Variants in STXBP5 observed in about 807,000 individuals in gnomAD.
STXBP5 encodes the protein syntaxin-binding protein 5.
STXBP5 carries 50 observed loss-of-function variants against 152.4 expected under a neutral mutation model. The ratio of observed to expected loss-of-function variants is 0.33; its 90% CI spans 0.26 to 0.42. The LOEUF is 0.42. Ranked by LOEUF, STXBP5 falls within the 10% of genes least tolerant of loss-of-function variation. The pLI, the probability that STXBP5 is intolerant of heterozygous loss-of-function variation, is 1.00. For missense variants in STXBP5, 1,167 were observed against 1,388.6 expected (o/e 0.84, Z 2.54); for synonymous variants, 492 against 494.7 (o/e 0.99, Z 0.07).
chr6:147,332,678 C>A (rs545188177), intron 18 of STXBP5, among the ~76,000 whole-genome samples: 1 of 152,292 alleles, frequency 6.6e-6, no homozygotes, highest in African/African-American at 2.4e-5. Flanking sequence ...GGATCATCTA[C>A]ATCACCCAAC....
At chr6:147,258,535 G>A (rs1353934413) in intron 4 of STXBP5, among the ~76,000 whole-genome samples, 2 of 152,170 alleles carry the variant, frequency 1.3e-5, no homozygotes, top group African/African-American at 2.4e-5. Context: ...CCAGGTTCAC[G>A]CCATTCTCGT....
chr6:147,315,435 C>T, intron 14 of STXBP5, 80 bp from the exon 15 acceptor site: 2 of 906,064 alleles, frequency 2.2e-6, no homozygotes, highest in South Asian at 3.8e-5. Context: ...ATTTTCTATA[C>T]ATAGTATGAG....
intron 9 of STXBP5, among the ~76,000 whole-genome samples, chr6:147,306,733 C>G (rs1782114311): frequency 6.6e-6 from 1 of 152,150 alleles, no homozygotes; most frequent in Admixed American, 6.5e-5. Flanking sequence ...TAGAGTGGAC[C>G]TCCTTCTTCC....
At chr6:147,207,374 A>G (rs1281844693) in intron 2 of STXBP5, among the ~76,000 whole-genome samples, 1 of 152,194 alleles carries the variant, frequency 6.6e-6, no homozygotes, top group African/African-American at 2.4e-5. Flanking sequence ...ACGCAGTCAT[A>G]CCTTTATAAA....
rs1235765459 is a variant in STXBP5 at position 147,387,235 on chromosome 6, A to G, written c.*2480A>G. 2 of 151,678 alleles carry G rather than the reference A, an allele frequency of 1.3e-5. No homozygotes were observed. Among genetic ancestry groups the G allele is most frequent in the Non-Finnish European group, 3.0e-5 (2 of 67,712 alleles). 9.4% of individuals were successfully genotyped at this position (151,678 alleles called of 1,614,324 possible). A position where few individuals can be genotyped will look rare whatever the true frequency, so the allele number is the denominator to read the frequency against. ...AACCCAGGGAATTTACTGTAATTTG[A>G]GAGGTAACATCTCTATTTTTTTCTT... On this transcript the variant is annotated 3_prime_UTR_variant, in exon 28 of 28. Transcript: ENST00000321680.
chr6:147,251,006 G>A (rs1279913587), intron 4 of STXBP5, among the ~76,000 whole-genome samples: 1 of 139,226 alleles, frequency 7.2e-6, no homozygotes, highest in Non-Finnish European at 1.5e-5. Context: ...AGGCCGAATA[G>A]AATAGAAACA....
At chr6:147,215,676 C>T (rs1271538631) in intron 2 of STXBP5, among the ~76,000 whole-genome samples, 8 of 152,078 alleles carry the variant, frequency 5.3e-5, no homozygotes, top group African/African-American at 1.4e-4. Context: ...GCCACTGCGC[C>T]GAGCCAATTT....
rs1197266780 is a variant in STXBP5 at position 147,388,177 on chromosome 6, A to G, written c.*3422A>G. ...TAGGTAATGAAAACTTTTTATTATCATTTAATCCACATTGCTCAGTTTAAA... is the reference window on the plus strand; with the variant it reads ...TAGGTAATGAAAACTTTTTATTATCGTTTAATCCACATTGCTCAGTTTAAA... On this transcript the variant is annotated 3_prime_UTR_variant, in exon 28 of 28. Transcript: ENST00000321680. 6.6e-6 allele frequency: 1 copy of G among 151,772 alleles called. No homozygotes were observed. The highest frequency in any genetic ancestry group is 1.5e-5 in the Non-Finnish European group (1 of 67,754). 9.4% of individuals were successfully genotyped at this position (151,772 alleles called of 1,614,324 possible).
chr6:147,294,968 G>A (rs1781445765), intron 9 of STXBP5, among the ~76,000 whole-genome samples: 1 of 152,078 alleles, frequency 6.6e-6, no homozygotes, highest in African/African-American at 2.4e-5. Context: ...TATTAGACTG[G>A]GGTCCAAATC....
intron 16 of STXBP5, among the ~76,000 whole-genome samples, chr6:147,321,882 T>C (rs1782953627): frequency 6.6e-6 from 1 of 152,244 alleles, no homozygotes; most frequent in African/African-American, 2.4e-5. Context: ...TTTTAAAATG[T>C]AACTTACCTG....
intron 2 of STXBP5, among the ~76,000 whole-genome samples, chr6:147,221,148 A>G (rs546861293): frequency 6.6e-6 from 1 of 152,204 alleles, no homozygotes; most frequent in Admixed American, 6.5e-5. Flanking sequence ...ACTGCTTCAC[A>G]GGTCATATGA....
At chr6:147,271,652 C>T (rs1201137087) in intron 7 of STXBP5, among the ~76,000 whole-genome samples, 1 of 152,046 alleles carries the variant, frequency 6.6e-6, no homozygotes, top group East Asian at 1.9e-4. Context: ...TCCATTATAG[C>T]ATTAAATGCT....
chr6:147,241,179 C>T (rs1278948469), intron 4 of STXBP5, among the ~76,000 whole-genome samples: 1 of 151,976 alleles, frequency 6.6e-6, no homozygotes. Context: ...TTCCATATAC[C>T]TCATATACCA....
intron 2 of STXBP5, among the ~76,000 whole-genome samples, chr6:147,232,969 A>G (rs541484663): frequency 2.6e-5 from 4 of 151,712 alleles, no homozygotes; most frequent in African/African-American, 9.7e-5. Context: ...TTGAAGTTTC[A>G]ACACCAGTAA....
At chr6:147,348,528 C>G (rs1266890485) in intron 21 of STXBP5, among the ~76,000 whole-genome samples, 4 of 152,100 alleles carry the variant, frequency 2.6e-5, no homozygotes, top group African/African-American at 9.7e-5. Flanking sequence ...TAGTTGTGAG[C>G]AAAACTTTGA....
intron 2 of STXBP5, among the ~76,000 whole-genome samples, chr6:147,207,234 A>C (rs1366064049): frequency 6.6e-6 from 1 of 151,916 alleles, no homozygotes; most frequent in Admixed American, 6.6e-5. Context: ...ATATGTATAG[A>C]TAGATAGATA....
chr6:147,358,622 C>T (rs1042862776), intron 22 of STXBP5, among the ~76,000 whole-genome samples: 1 of 152,162 alleles, frequency 6.6e-6, no homozygotes, highest in Admixed American at 6.5e-5. Flanking sequence ...TAAAAGCCTA[C>T]TGTTGACTGA....
intron 3 of STXBP5, 49 bp downstream of exon 3, chr6:147,235,380 C>T: frequency 7.0e-7 from 1 of 1,438,496 alleles, no homozygotes; most frequent in Non-Finnish European, 9.6e-7. Context: ...AATAGGGCCA[C>T]TTCTAGTCTT....
At chr6:147,380,838 C>G (rs1258258366) in intron 26 of STXBP5, among the ~76,000 whole-genome samples, 1 of 152,038 alleles carries the variant, frequency 6.6e-6, no homozygotes, top group Non-Finnish European at 1.5e-5. Flanking sequence ...GACAAATAGA[C>G]TGATTTTTAG....
Sources: gnomAD v4.1 joint callset for allele counts (sites outside exome capture counted in the v4.1 genomes callset) on GRCh38, gnomAD v4.1.1 for gene constraint, MANE v1.5 for transcripts, NCBI Gene and HGNC (gene_info 2026-07-23, HGNC 2026-07-21) for gene names.